The following IP6K1 variants were observed in gnomAD, a reference collection of about 807,000 sequenced individuals.
IP6K1 encodes inositol hexakisphosphate kinase 1.
IP6K1 carries 13 observed loss-of-function variants against 38.3 expected under a neutral mutation model. That is an observed-to-expected ratio of 0.34 (90% CI 0.22 to 0.54). The LOEUF is 0.54. Among genes scored for constraint, IP6K1 ranks in the 20% least tolerant of loss-of-function variants. IP6K1 has a pLI of 0.92. For synonymous variants in IP6K1, 212 were observed against 229.9 expected, an observed-to-expected ratio of 0.92 and a Z score of 0.70; for missense variants, 397 against 599.8, an observed-to-expected ratio of 0.66 and a Z score of 3.53.
intron 2 of IP6K1, among the ~76,000 whole-genome samples, chr3:49,739,599 C>G (rs865883486): frequency 3.9e-5 from 6 of 151,996 alleles, no homozygotes; most frequent in African/African-American, 9.7e-5. Flanking sequence ...GTGATCCACC[C>G]GTCTCGGCCT....
chr3:49,743,279 C>CACACA (rs775492367), intron 2 of IP6K1, among the ~76,000 whole-genome samples: 8 of 147,178 alleles, frequency 5.4e-5, no homozygotes, highest in Admixed American at 1.4e-4. Flanking sequence ...CACACACACA[C>CACACA]ACTTACCTTT....
At chr3:49,753,345 T>C (rs1373423505) in intron 1 of IP6K1, among the ~76,000 whole-genome samples, 1 of 152,142 alleles carries the variant, frequency 6.6e-6, no homozygotes, top group Non-Finnish European at 1.5e-5. Context: ...TTGATCAAAA[T>C]GTCTCTTTCT....
At chr3:49,728,584 CT>C (rs60558382) in intron 4 of IP6K1, among the ~76,000 whole-genome samples, 17 of 151,506 alleles carry the variant, frequency 1.1e-4, no homozygotes, top group Non-Finnish European at 2.4e-4. Flanking sequence ...TAGAACTTTT[CT>C]TTTTTTTTGA....
intron 1 of IP6K1, among the ~76,000 whole-genome samples, chr3:49,773,980 A>AACAAAC: frequency 7.0e-6 from 1 of 142,262 alleles, no homozygotes; most frequent in Non-Finnish European, 1.5e-5. Flanking sequence ...CTCTCTCTAA[A>AACAAAC]ACACACACAC....
At chr3:49,785,771 C>T (rs898852680) in intron 1 of IP6K1, 3 of 152,226 alleles carry the variant, frequency 2.0e-5, no homozygotes, top group Admixed American at 6.5e-5. Flanking sequence ...CCATTATGGA[C>T]ATTTAACCAG....
intron 1 of IP6K1, among the ~76,000 whole-genome samples, chr3:49,781,310 G>A (rs576029662): frequency 7.9e-5 from 12 of 152,248 alleles, no homozygotes; most frequent in South Asian, 2.1e-4. Flanking sequence ...TGATCCACCC[G>A]CTGTGGCCTC....
Position 49,772,338 on chromosome 3 carries a change from C to T in IP6K1, c.-129+14016G>A, listed in dbSNP as rs1379939460. ...TTTATATATATAATATATAGGAAGA[C>T]TATATAATATATAAAATATATATAT... On this transcript the variant is annotated intron_variant, in intron 1 of 5. Transcript: ENST00000321599. Among the ~76,000 whole-genome samples the T allele has an allele frequency of 5.5e-5, 8 of 146,474 alleles. No individual in the cohort carries two copies. The South Asian group carries it at 1.7e-3, about 31-fold the overall frequency.
chr3:49,777,519 C>A (rs956301433), intron 1 of IP6K1, among the ~76,000 whole-genome samples: 2 of 150,626 alleles, frequency 1.3e-5, no homozygotes, highest in African/African-American at 2.4e-5. Context: ...GTGGAGATTG[C>A]GCCACTGCAC....
chr3:49,770,942 T>C (rs889812542), intron 1 of IP6K1, among the ~76,000 whole-genome samples: 2 of 151,752 alleles, frequency 1.3e-5, no homozygotes, highest in Non-Finnish European at 2.9e-5. Context: ...GAGACCTCCG[T>C]TGCTACAAAA....
intron 1 of IP6K1, among the ~76,000 whole-genome samples, chr3:49,779,813 G>A (rs1170789038): frequency 6.6e-6 from 1 of 152,052 alleles, no homozygotes; most frequent in Non-Finnish European, 1.5e-5. Flanking sequence ...TGCCTCCCAA[G>A]TAGCCGAGAA....
At chr3:49,785,965 C>T (rs922715630) in intron 1 of IP6K1, 1 of 152,306 alleles carries the variant, frequency 6.6e-6, no homozygotes, top group African/African-American at 2.4e-5. Flanking sequence ...CTGAAAATCA[C>T]TCGCAGGAAC....
chr3:49,756,587 G>A (rs1351246834), intron 1 of IP6K1, among the ~76,000 whole-genome samples: 2 of 152,100 alleles, frequency 1.3e-5, no homozygotes, highest in Non-Finnish European at 1.5e-5. Context: ...GGAGGCCAAG[G>A]CGGGTGGATC....
chr3:49,771,084 A>G (rs34522271), intron 1 of IP6K1, among the ~76,000 whole-genome samples: 39,996 of 151,242 alleles, frequency 0.26, 5,580 homozygotes, highest in Non-Finnish European at 0.31. Context: ...ACGCTACTAC[A>G]CTCCAGCCTG....
intron 3 of IP6K1, 93 bp downstream of exon 3, chr3:49,738,119 C>G: frequency 9.6e-7 from 1 of 1,039,536 alleles, no homozygotes; most frequent in Non-Finnish European, 1.5e-6. Context: ...TCTTATCCAA[C>G]CTTGACTGTG....
intron 3 of IP6K1, among the ~76,000 whole-genome samples, chr3:49,734,463 C>G (rs1460633954): frequency 6.9e-6 from 1 of 144,950 alleles, no homozygotes; most frequent in Non-Finnish European, 1.5e-5. Flanking sequence ...AAATGCCACT[C>G]TCCTCTCCAG....
intron 2 of IP6K1, among the ~76,000 whole-genome samples, chr3:49,746,213 A>C (rs2080719903): frequency 6.6e-6 from 1 of 152,010 alleles, no homozygotes; most frequent in East Asian, 1.9e-4. Flanking sequence ...CATATACCCA[A>C]AAGAATTAAA....
intron 1 of IP6K1, among the ~76,000 whole-genome samples, chr3:49,762,073 C>T (rs1419453532): frequency 2.0e-5 from 3 of 152,120 alleles, no homozygotes; most frequent in African/African-American, 4.8e-5. Context: ...CAGCTCAGCC[C>T]TGAGAGTAAC....
At chr3:49,744,169 G>A (rs549863054) in intron 2 of IP6K1, among the ~76,000 whole-genome samples, 7 of 151,570 alleles carry the variant, frequency 4.6e-5, no homozygotes, top group African/African-American at 1.4e-4. Flanking sequence ...TTGGGAGGCC[G>A]AGGCAGGTGG....
chr3:49,741,728 A>G lies in IP6K1; in HGVS notation c.224-3306T>C, dbSNP rs116656572. ...AAACATTCTGCCATAAATATGCCAA[A>G]GCCAGAAATAAAACTATAGGCCCTG... On this transcript the variant is annotated intron_variant, in intron 2 of 5. Transcript: ENST00000321599. Among the ~76,000 whole-genome samples, 1,387 of 152,334 alleles carry G rather than the reference A, an allele frequency of 9.1e-3. 19 individuals are homozygous for G. The highest frequency in any genetic ancestry group is 0.032 in the African/African-American group (1,332 of 41,576).
Sources: allele counts gnomAD v4.1 joint callset (sites outside exome capture counted in the v4.1 genomes callset), GRCh38; gene constraint gnomAD v4.1.1; transcripts MANE v1.5; gene names NCBI Gene and HGNC (gene_info 2026-07-23, HGNC 2026-07-21).